The following DOCK9 variants were observed in gnomAD, a reference collection of about 807,000 sequenced individuals.
The protein encoded by DOCK9 is dedicator of cytokinesis 9.
DOCK9 carries 89 observed loss-of-function variants against 263.3 expected under a neutral mutation model. The observed-to-expected ratio is 0.34, with a 90% CI of 0.28 to 0.40. The LOEUF (loss-of-function observed/expected upper bound fraction) is 0.40. Ranked by LOEUF, DOCK9 falls within the 10% of genes least tolerant of loss-of-function variation. The pLI, the probability that DOCK9 is intolerant of heterozygous loss-of-function variation, is 1.00. For synonymous variants in DOCK9, 976 were observed against 973.1 expected (o/e 1.00, Z -0.06); for missense variants, 2,140 against 2,603.4 (o/e 0.82, Z 3.87).
At position 99,046,479 on chromosome 13, in the gene DOCK9, TA is replaced by T. The variant is rs200666498; in HGVS notation, c.129+39743del. Among the ~76,000 whole-genome samples the T allele has an allele frequency of 5.2e-3, 788 of 152,330 alleles. 1 individual carries two copies. Among genetic ancestry groups the T allele is most frequent in the Middle Eastern group, 0.014 (4 of 294 alleles). On this transcript the variant is annotated intron_variant, in intron 1 of 32. Coordinates refer to the DOCK9 transcript ENST00000427887. Reference sequence around the variant, plus strand: ...TTTGCGCCCAGTATGCTAACCTCCTTAGCTGCGCTCCGGAAAACAGCACTTA... The same window carrying T: ...TTTGCGCCCAGTATGCTAACCTCCTTGCTGCGCTCCGGAAAACAGCACTTA...
At chr13:98,862,117 C>T (rs977556796) in intron 32 of DOCK9, among the ~76,000 whole-genome samples, 17 of 152,088 alleles carry the variant, frequency 1.1e-4, no homozygotes, top group Admixed American at 6.5e-4. Context: ...TGGTTCATCA[C>T]GAGAACATGG....
chr13:99,036,189 C>G (rs769625271), intron 1 of DOCK9, among the ~76,000 whole-genome samples: 2 of 152,160 alleles, frequency 1.3e-5, no homozygotes, highest in Non-Finnish European at 2.9e-5. Context: ...CTAGAGAACC[C>G]TATTATACTG....
intron 1 of DOCK9, among the ~76,000 whole-genome samples, chr13:98,964,446 T>C (rs1567115176): frequency 6.6e-6 from 1 of 152,050 alleles, no homozygotes; most frequent in South Asian, 2.1e-4. Flanking sequence ...TCAGGGCAGA[T>C]TGAGGATTCC....
intron 2 of DOCK9, among the ~76,000 whole-genome samples, chr13:98,934,951 T>A (rs2054575734): frequency 6.6e-6 from 1 of 152,234 alleles, no homozygotes; most frequent in Admixed American, 6.5e-5. Flanking sequence ...ATAGTTGCTA[T>A]TCTTTTAAAG....
intron 27 of DOCK9, among the ~76,000 whole-genome samples, chr13:98,869,084 G>C (rs1292105965): frequency 1.3e-5 from 2 of 152,168 alleles, no homozygotes; most frequent in African/African-American, 4.8e-5. Context: ...GAAAGCACTG[G>C]CTTACATTTA....
At chr13:99,056,165 G>T (rs1175767269) in intron 1 of DOCK9, among the ~76,000 whole-genome samples, 1 of 152,144 alleles carries the variant, frequency 6.6e-6, no homozygotes, top group Non-Finnish European at 1.5e-5. Context: ...TAAACGGAGT[G>T]CCAAATGTTT....
intron 1 of DOCK9, among the ~76,000 whole-genome samples, chr13:99,001,966 C>T (rs1882420087): frequency 6.6e-6 from 1 of 152,180 alleles, no homozygotes; most frequent in Non-Finnish European, 1.5e-5. Context: ...AGAGTGAGCT[C>T]CCGATCTCTC....
intron 1 of DOCK9, among the ~76,000 whole-genome samples, chr13:99,062,730 C>T (rs1033285463): frequency 6.6e-6 from 1 of 152,164 alleles, no homozygotes; most frequent in Non-Finnish European, 1.5e-5. Context: ...GTTACTCCTG[C>T]GAGGGAAAAC....
chr13:98,886,444 T>C, intron 19 of DOCK9, 88 bp downstream of exon 19: 1 of 998,288 alleles, frequency 1.0e-6, no homozygotes, highest in Non-Finnish European at 1.5e-6. Flanking sequence ...ATATGCAGCT[T>C]CTCTTGAATT....
At chr13:98,975,534 G>T (rs1457284744) in intron 1 of DOCK9, among the ~76,000 whole-genome samples, 5 of 150,724 alleles carry the variant, frequency 3.3e-5, no homozygotes. Context: ...AGGCACAGGA[G>T]AAAGTCTGGA....
intron 1 of DOCK9, among the ~76,000 whole-genome samples, chr13:99,004,033 T>C (rs570068448): frequency 2.6e-5 from 4 of 152,298 alleles, no homozygotes; most frequent in African/African-American, 9.6e-5. Context: ...GTGGAATTAC[T>C]AGCAGTTCCA....
chr13:98,982,945 AG>A (rs1877553830), upstream of DOCK9, among the ~76,000 whole-genome samples: 1 of 152,234 alleles, frequency 6.6e-6, no homozygotes, highest in African/African-American at 2.4e-5. Context: ...ACGTGTTTTT[AG>A]CAATAAATCT....
At chr13:98,901,035 C>T (rs2048201068) in intron 13 of DOCK9, among the ~76,000 whole-genome samples, 1 of 152,152 alleles carries the variant, frequency 6.6e-6, no homozygotes, top group African/African-American at 2.4e-5. Context: ...AGGATAATAG[C>T]ACTTAACAGA....
At chr13:99,028,466 A>G (rs912684) in intron 1 of DOCK9, among the ~76,000 whole-genome samples, 152,222 of 152,242 alleles carry the variant, frequency 1, 76,101 homozygotes, top group Non-Finnish European at 1. Context: ...TGAGTGCAAA[A>G]GAAACAAGGA....
chr13:98,851,927 T>C (rs147932827), intron 35 of DOCK9, among the ~76,000 whole-genome samples: 1 of 152,212 alleles, frequency 6.6e-6, no homozygotes, highest in Non-Finnish European at 1.5e-5. Context: ...AAACAATCGA[T>C]AACTTGAAGA....
At chr13:98,811,281 G>A (rs779322549) in intron 45 of DOCK9, among the ~76,000 whole-genome samples, 2 of 152,148 alleles carry the variant, frequency 1.3e-5, no homozygotes, top group Non-Finnish European at 2.9e-5. Context: ...CTTTGGTAAA[G>A]TGTCTATTCA....
intron 1 of DOCK9, among the ~76,000 whole-genome samples, chr13:99,030,003 T>C (rs1032074009): frequency 1.3e-5 from 2 of 152,130 alleles, no homozygotes; most frequent in Non-Finnish European, 2.9e-5. Flanking sequence ...CACAGATACA[T>C]CTCAAAAGGG....
chr13:99,036,251 C>A (rs376159123), intron 1 of DOCK9, among the ~76,000 whole-genome samples: 1 of 152,144 alleles, frequency 6.6e-6, no homozygotes, highest in African/African-American at 2.4e-5. Flanking sequence ...TATGTTGAAA[C>A]CCTAATCCCA....
At chr13:99,020,700 G>C (rs1885992872) in intron 1 of DOCK9, among the ~76,000 whole-genome samples, 1 of 152,164 alleles carries the variant, frequency 6.6e-6, no homozygotes, top group Non-Finnish European at 1.5e-5. Flanking sequence ...GAGGAATCTA[G>C]AGTGACACCT....
Sources: gnomAD v4.1 joint callset for allele counts (sites outside exome capture counted in the v4.1 genomes callset) on GRCh38, gnomAD v4.1.1 for gene constraint, MANE v1.5 for transcripts, NCBI Gene and HGNC (gene_info 2026-07-23, HGNC 2026-07-21) for gene names.